Variants in LHFPL2 observed in about 807,000 individuals in gnomAD.
The protein encoded by LHFPL2 is LHFPL tetraspan subfamily member 2 protein.
Under a neutral mutation model 17.5 loss-of-function variants are expected in LHFPL2, and 7 were observed. That is an observed-to-expected ratio of 0.40 (90% confidence interval 0.23 to 0.75). The LOEUF (loss-of-function observed/expected upper bound fraction) is 0.75. Among genes scored for constraint, LHFPL2 ranks in the 30% least tolerant of loss-of-function variants. The pLI, the probability that LHFPL2 is intolerant of heterozygous loss-of-function variation, is 0.37. For missense variants in LHFPL2, 241 were observed against 294.8 expected, an observed-to-expected ratio of 0.82 and a Z score of 1.34; for synonymous variants, 134 against 116.2, an observed-to-expected ratio of 1.15 and a Z score of -0.99.
At position 78,645,541 on chromosome 5, in the gene LHFPL2, C is replaced by CAT. The variant is rs1176439777; in HGVS notation, c.-350+2956_-350+2957dup. Among the ~76,000 whole-genome samples, 5 of 80,696 alleles carry CAT rather than the reference C, an allele frequency of 6.2e-5. No individual in the cohort carries two copies. In the South Asian group the frequency reaches 1.2e-3, roughly 20 times the overall value. The allele number at this position is 80,696 out of a possible 152,430, so 52.9% of individuals were successfully genotyped here. A position where few individuals can be genotyped will look rare whatever the true frequency, so the allele number is the denominator to read the frequency against. The stretch of plus-strand genomic sequence containing the variant: ...TAACCCCAAGATAGACAGACAGATG[C>CAT]ATACACACACACACACACACACACA... On this transcript the variant is annotated intron_variant, in intron 1 of 4. Coordinates refer to ENST00000380345, the MANE Select transcript of LHFPL2 (RefSeq NM_005779.3).
intron 1 of LHFPL2, among the ~76,000 whole-genome samples, chr5:78,635,197 A>G (rs1745390462): frequency 6.6e-6 from 1 of 152,256 alleles, no homozygotes; most frequent in Non-Finnish European, 1.5e-5. Context: ...TGGCAGCAGA[A>G]TGCCCAAGTT....
chr5:78,487,967 C>CT lies in LHFPL2; in HGVS notation c.*929_*930insA, dbSNP rs1754305708. 1 of 152,198 alleles carries CT rather than the reference C, an allele frequency of 6.6e-6. No individual in the cohort carries two copies. The allele number at this position is 152,198 out of a possible 1,614,324, so 9.4% of individuals were successfully genotyped here. On this transcript the variant is annotated 3_prime_UTR_variant, in exon 5 of 5. Transcript: ENST00000380345. Reference sequence around the variant, plus strand: ...CCAAACTGGGAGTAAAGGTCTCCCCCCAAGTGCCGAGATTCTGGCAGGTCC... The same window carrying CT: ...CCAAACTGGGAGTAAAGGTCTCCCCCTCAAGTGCCGAGATTCTGGCAGGTCC...
In LHFPL2 at chr5:78,488,744, T is replaced by TG. The variant is rs1289378897; in HGVS notation, c.*152dup. 1.3e-6 allele frequency: 1 copy of TG among 759,872 alleles called. No homozygotes were observed. Among genetic ancestry groups the TG allele is most frequent in the East Asian group, 2.5e-5 (1 of 39,886 alleles). The allele number at this position is 759,872 out of a possible 1,614,324, so 47.1% of individuals were successfully genotyped here. On this transcript the variant is annotated 3_prime_UTR_variant, in exon 5 of 5. Transcript: ENST00000380345. ...CGCATGTCCAGTAACTTTGCGTAGCTGGATGTGGCCTCTCATTGGTCCTGT... is the reference window on the plus strand; with the variant it reads ...CGCATGTCCAGTAACTTTGCGTAGCTGGGATGTGGCCTCTCATTGGTCCTGT...
At chr5:78,583,933 A>G (rs1380083992) in intron 2 of LHFPL2, among the ~76,000 whole-genome samples, 1 of 151,856 alleles carries the variant, frequency 6.6e-6, no homozygotes, top group East Asian at 1.9e-4. Flanking sequence ...TCAGACGTAG[A>G]TTTGGTCTTT....
intron 4 of LHFPL2, among the ~76,000 whole-genome samples, chr5:78,491,895 A>C (rs1754457680): frequency 1.3e-5 from 2 of 152,190 alleles, no homozygotes; most frequent in Non-Finnish European, 2.9e-5. Flanking sequence ...GGGAGAGAGG[A>C]GATCCCCAGG....
chr5:78,490,766 C>CAAA (rs1754416535), intron 4 of LHFPL2, among the ~76,000 whole-genome samples: 5 of 92,770 alleles, frequency 5.4e-5, no homozygotes, highest in Admixed American at 1.9e-4. Flanking sequence ...AAAAAAAAAG[C>CAAA]AAGATACTGC....
intron 2 of LHFPL2, among the ~76,000 whole-genome samples, chr5:78,623,673 A>T (rs1349515140): frequency 6.6e-6 from 1 of 152,220 alleles, no homozygotes; most frequent in Non-Finnish European, 1.5e-5. Flanking sequence ...TTATACTTTC[A>T]AGAATCCTGA....
chr5:78,642,246 A>G (rs983444888), intron 1 of LHFPL2: 5 of 152,194 alleles, frequency 3.3e-5, no homozygotes, highest in Non-Finnish European at 7.3e-5. Context: ...TCCAAATACC[A>G]TCACATAGCG....
chr5:78,529,204 T>C (rs1755707638), intron 3 of LHFPL2, among the ~76,000 whole-genome samples: 1 of 152,168 alleles, frequency 6.6e-6, no homozygotes, highest in South Asian at 2.1e-4. Context: ...GAGGATCACT[T>C]GAGCCCAGGG....
chr5:78,630,838 C>T lies in LHFPL2; in HGVS notation c.-245+1426G>A, dbSNP rs534167015. The stretch of plus-strand genomic sequence containing the variant: ...ATAAGGCGGGGGCAAAACCTCAAGA[C>T]CACATTCTCCTAGTGACAGTAGTCT... On this transcript the variant is annotated intron_variant, in intron 2 of 4. Coordinates refer to ENST00000380345, the MANE Select transcript of LHFPL2 (RefSeq NM_005779.3). 2.6e-5 allele frequency among the ~76,000 whole-genome samples: 4 copies of T among 152,318 alleles called. No homozygotes were observed. In the South Asian group the frequency reaches 8.3e-4, roughly 32 times the overall value.
chr5:78,549,788 C>T (rs1046003486), intron 3 of LHFPL2, among the ~76,000 whole-genome samples: 2 of 152,198 alleles, frequency 1.3e-5, no homozygotes, highest in Admixed American at 1.3e-4. Context: ...ATAAATGTTG[C>T]ATCCATGTCT....
intron 2 of LHFPL2, among the ~76,000 whole-genome samples, chr5:78,583,790 T>C (rs1743247045): frequency 2.0e-5 from 3 of 149,886 alleles, no homozygotes; most frequent in South Asian, 4.2e-4. Flanking sequence ...GGAGTATCTT[T>C]GTGGCGTTCT....
intron 3 of LHFPL2, among the ~76,000 whole-genome samples, chr5:78,528,592 C>T (rs76228301): frequency 0.016 from 2,441 of 152,262 alleles, 75 homozygotes; most frequent in African/African-American, 0.055. Context: ...AACTCATTAC[C>T]ATGTTTGTAC....
intron 3 of LHFPL2, among the ~76,000 whole-genome samples, chr5:78,536,019 C>A (rs1202955288): frequency 6.6e-6 from 1 of 152,126 alleles, no homozygotes; most frequent in Non-Finnish European, 1.5e-5. Context: ...GTATTCCTGG[C>A]CTTTCTTCTA....
At chr5:78,641,194 A>C (rs1745650521) in intron 1 of LHFPL2, among the ~76,000 whole-genome samples, 1 of 152,234 alleles carries the variant, frequency 6.6e-6, no homozygotes, top group African/African-American at 2.4e-5. Context: ...AGGACCAGAG[A>C]GATTCAGCCC....
chr5:78,496,064 CGTT>C (rs1203900948), intron 4 of LHFPL2, among the ~76,000 whole-genome samples: 3 of 152,294 alleles, frequency 2.0e-5, no homozygotes, highest in African/African-American at 7.2e-5. Flanking sequence ...GGGTTATTCT[CGTT>C]GTGTTCCCAC....
At chr5:78,607,568 C>T (rs1744264843) in intron 2 of LHFPL2, among the ~76,000 whole-genome samples, 1 of 152,168 alleles carries the variant, frequency 6.6e-6, no homozygotes, top group African/African-American at 2.4e-5. Flanking sequence ...CTTAGTTACC[C>T]CCATCCAGTT....
At chr5:78,585,142 G>T (rs1175168451) in intron 2 of LHFPL2, among the ~76,000 whole-genome samples, 1 of 111,852 alleles carries the variant, frequency 8.9e-6, no homozygotes, top group African/African-American at 3.2e-5. Flanking sequence ...AAGTAGCTGG[G>T]ACTACAGGTG....
intron 3 of LHFPL2, among the ~76,000 whole-genome samples, chr5:78,534,656 TG>T (rs1205585718): frequency 6.6e-6 from 1 of 152,196 alleles, no homozygotes; most frequent in Non-Finnish European, 1.5e-5. Context: ...TCCAGGTCCT[TG>T]AGGGAAGCAA....
Sources: allele counts gnomAD v4.1 joint callset (sites outside exome capture counted in the v4.1 genomes callset), GRCh38; gene constraint gnomAD v4.1.1; transcripts MANE v1.5; gene names NCBI Gene and HGNC (gene_info 2026-07-23, HGNC 2026-07-21).